Variants in FRMPD4 observed in about 807,000 individuals in gnomAD.
FRMPD4 encodes the protein FERM and PDZ domain-containing protein 4.
A neutral mutation model predicts 94.1 loss-of-function variants in FRMPD4; 22 were observed. The observed-to-expected ratio is 0.23, with a 90% CI of 0.17 to 0.33. FRMPD4 has a LOEUF of 0.33. FRMPD4 is among the 10% of genes least tolerant of loss of function. The pLI is 1.00. For missense variants in FRMPD4, 1,111 were observed against 1,339.9 expected (o/e 0.83, Z 2.67); for synonymous variants, 631 against 548.6 (o/e 1.15, Z -2.10).
intron 1 of FRMPD4, among the ~76,000 whole-genome samples, chrX:12,366,592 A>G (rs1262149203): frequency 8.9e-6 from 1 of 112,354 alleles, no homozygotes; most frequent in East Asian, 2.8e-4. Flanking sequence ...ATCAGAAATG[A>G]TGCAGACACT....
intron 4 of FRMPD4, among the ~76,000 whole-genome samples, chrX:12,615,258 A>G (rs1253180401): frequency 8.9e-6 from 1 of 112,412 alleles, no homozygotes; most frequent in Non-Finnish European, 1.9e-5. Flanking sequence ...TTTTATATAC[A>G]TAATCCCATG....
At chrX:11,933,977 C>T (rs2054136267) in intron 3 of FRMPD4, among the ~76,000 whole-genome samples, 1 of 112,047 alleles carries the variant, frequency 8.9e-6, no homozygotes, top group Non-Finnish European at 1.9e-5. Flanking sequence ...TAAATAGTTT[C>T]GGCTCATTCA....
chrX:12,236,283 C>T (rs752631960), intron 1 of FRMPD4, among the ~76,000 whole-genome samples: 3 of 111,540 alleles, frequency 2.7e-5, no homozygotes, highest in South Asian at 3.8e-4. Context: ...ACTCAGATAA[C>T]GTTGTATGTG....
In FRMPD4 at chrX:11,953,388, TC is replaced by T. The variant is rs998952173; in HGVS notation, c.95+75373del. 2.7e-5 allele frequency among the ~76,000 whole-genome samples: 3 copies of T among 111,941 alleles called. No individual in the cohort carries two copies. In the Admixed American group the frequency reaches 2.8e-4, roughly 11 times the overall value. The stretch of plus-strand genomic sequence containing the variant: ...TTAAAGATAAGTCTCATTAAAGATG[TC>T]CCTTTTCAGGAGTGGCATTTTCTGA... On this transcript the variant is annotated intron_variant, in intron 3 of 18. Coordinates refer to the FRMPD4 transcript ENST00000640291.
intron 2 of FRMPD4, among the ~76,000 whole-genome samples, chrX:12,526,185 G>C (rs781233772): frequency 1.8e-5 from 2 of 112,242 alleles, no homozygotes; most frequent in African/African-American, 6.5e-5. Flanking sequence ...CCATCTGCAG[G>C]CTCCCCTGGT....
chrX:12,362,401 C>T (rs1438815587), intron 1 of FRMPD4, among the ~76,000 whole-genome samples: 6 of 110,328 alleles, frequency 5.4e-5, no homozygotes, highest in African/African-American at 2.0e-4. Flanking sequence ...GTTCCCCACC[C>T]TGTGTCCAAG....
chrX:11,832,299 A>T (rs2053479644), intron 1 of FRMPD4, among the ~76,000 whole-genome samples: 1 of 111,811 alleles, frequency 8.9e-6, no homozygotes, highest in African/African-American at 3.3e-5. Flanking sequence ...AATGGGCAAT[A>T]ACTATGGGGA....
At chrX:12,681,551 G>C (rs1461314571) in intron 5 of FRMPD4, among the ~76,000 whole-genome samples, 1 of 110,989 alleles carries the variant, frequency 9.0e-6, no homozygotes, top group Non-Finnish European at 1.9e-5. Flanking sequence ...TTGCATAAAT[G>C]GATGAATTCA....
chrX:12,092,140 T>G (rs1250273176), intron 3 of FRMPD4, among the ~76,000 whole-genome samples: 1 of 112,247 alleles, frequency 8.9e-6, no homozygotes, highest in African/African-American at 3.2e-5. Flanking sequence ...ACCTGGATCT[T>G]TCCATTCTAC....
chrX:12,182,306 G>A (rs2056369240), intron 1 of FRMPD4, among the ~76,000 whole-genome samples: 1 of 111,713 alleles, frequency 9.0e-6, no homozygotes, highest in Non-Finnish European at 1.9e-5. Flanking sequence ...TCCCCCTGAA[G>A]AGTTTGCTAA....
intron 3 of FRMPD4, among the ~76,000 whole-genome samples, chrX:11,878,153 C>G (rs2053795359): frequency 8.9e-6 from 1 of 111,860 alleles, no homozygotes; most frequent in East Asian, 2.8e-4. Flanking sequence ...AAGAACGATG[C>G]CTTTGGAGAA....
At chrX:12,576,368 A>T (rs1378728525) in intron 2 of FRMPD4, among the ~76,000 whole-genome samples, 1 of 112,934 alleles carries the variant, frequency 8.9e-6, no homozygotes, top group African/African-American at 3.2e-5. Context: ...GGAAACATTT[A>T]AAAAATTCTG....
At chrX:12,148,442 G>T (rs2055801319) in intron 1 of FRMPD4, among the ~76,000 whole-genome samples, 1 of 112,597 alleles carries the variant, frequency 8.9e-6, no homozygotes, top group South Asian at 3.7e-4. Context: ...GCTGAGAAAA[G>T]TGAGGAAGCT....
chrX:12,123,997 C>T, intron 3 of FRMPD4, among the ~76,000 whole-genome samples: 1 of 111,328 alleles, frequency 9.0e-6, no homozygotes, highest in Non-Finnish European at 1.9e-5. Context: ...TCCTCTTTGA[C>T]CTTATCAGCT....
chrX:12,419,652 A>G (rs2056856701), intron 1 of FRMPD4, among the ~76,000 whole-genome samples: 1 of 111,249 alleles, frequency 9.0e-6, no homozygotes, highest in African/African-American at 3.3e-5. Context: ...ACCCAGTCAA[A>G]TCTGGCTTCT....
Position 12,720,763 on chromosome X carries a change from G to A in FRMPD4, c.4194G>A (p.Gln1398=). ...RGGSLRTPPS[Q]KALRHSSSIL... ...GGAGCCTCAGGACACCTCCCAGCCA[G>A]AAGGCTCTGAGACATAGCAGCAGTA... is the stretch of plus-strand genomic sequence containing the variant. The change falls in exon 17 of 17, where the codon CAG becomes CAA. Residue 1398 remains glutamine, a synonymous_variant. Coordinates refer to ENST00000675598, the MANE Select transcript of FRMPD4 (RefSeq NM_001368397.1). 1 of 1,054,526 alleles carries A rather than the reference G, an allele frequency of 9.5e-7. No individual in the cohort carries two copies. The highest frequency in any genetic ancestry group is 1.2e-6 in the Non-Finnish European group (1 of 822,367). 86.9% of individuals were successfully genotyped at this position (1,054,526 alleles called of 1,213,427 possible).
At chrX:12,317,677 A>T (rs1189975352) in intron 1 of FRMPD4, among the ~76,000 whole-genome samples, 1 of 111,322 alleles carries the variant, frequency 9.0e-6, no homozygotes, top group African/African-American at 3.3e-5. Context: ...TCAAAAGAAG[A>T]CATACAACTG....
At chrX:11,863,483 TGAA>T (rs1040478068) in intron 1 of FRMPD4, among the ~76,000 whole-genome samples, 12 of 111,287 alleles carry the variant, frequency 1.1e-4, no homozygotes, top group African/African-American at 3.6e-4. Context: ...TGGTGGGAAC[TGAA>T]GAAGATTATG....
At chrX:12,194,855 AC>A (rs1398959249) in intron 1 of FRMPD4, among the ~76,000 whole-genome samples, 2 of 112,136 alleles carry the variant, frequency 1.8e-5, no homozygotes, top group African/African-American at 6.5e-5. Flanking sequence ...ATGAAATGGA[AC>A]TTCCCAGTGC....
Sources: gnomAD v4.1 joint callset for allele counts (sites outside exome capture counted in the v4.1 genomes callset) on GRCh38, gnomAD v4.1.1 for gene constraint, MANE v1.5 for transcripts, NCBI Gene and HGNC (gene_info 2026-07-23, HGNC 2026-07-21) for gene names.